CHCHD6: variants seen among roughly 807,000 people sequenced by gnomAD.
CHCHD6 encodes coiled-coil-helix-coiled-coil-helix domain containing 6.
In CHCHD6, 28 loss-of-function variants were observed where a neutral mutation model predicts 32.3. The ratio of observed to expected loss-of-function variants is 0.87; its 90% CI spans 0.64 to 1.19. CHCHD6 has a LOEUF of 1.19. Among genes scored for constraint, CHCHD6 ranks in the 50% most tolerant of loss-of-function variants. The probability of loss-of-function intolerance (pLI) is 0.00; values close to 1 mark genes in which losing one functional copy is unlikely to be tolerated. For synonymous variants in CHCHD6, 122 were observed against 117.5 expected (o/e 1.04, Z -0.25); for missense variants, 333 against 307.0 (o/e 1.08, Z -0.63).
intron 4 of CHCHD6, among the ~76,000 whole-genome samples, chr3:126,786,081 G>T (rs1019292743): frequency 6.6e-6 from 1 of 152,110 alleles, no homozygotes; most frequent in South Asian, 2.1e-4. Context: ...TGCGGTGTTT[G>T]GTTTTTTGTT....
At chr3:126,946,604 C>A (rs1038039345) in intron 6 of CHCHD6, among the ~76,000 whole-genome samples, 1 of 152,166 alleles carries the variant, frequency 6.6e-6, no homozygotes, top group African/African-American at 2.4e-5. Context: ...TCCCGTGTGG[C>A]GTGTTGATCG....
intron 5 of CHCHD6, among the ~76,000 whole-genome samples, chr3:126,856,082 G>A (rs1941656911): frequency 6.6e-6 from 1 of 152,118 alleles, no homozygotes; most frequent in Non-Finnish European, 1.5e-5. Flanking sequence ...ATTGTCTTGG[G>A]CCACACAAAA....
chr3:126,952,226 A>G (rs1349156157), intron 6 of CHCHD6, among the ~76,000 whole-genome samples: 2 of 152,156 alleles, frequency 1.3e-5, no homozygotes, highest in Admixed American at 6.5e-5. Flanking sequence ...TGTAGGCTAG[A>G]CTTGGGAGTG....
chr3:126,776,475 AC>A (rs1352770646), intron 4 of CHCHD6, among the ~76,000 whole-genome samples: 1 of 152,222 alleles, frequency 6.6e-6, no homozygotes, highest in Admixed American at 6.5e-5. Context: ...ACCACCTGTG[AC>A]CAGTCCTGCA....
intron 6 of CHCHD6, among the ~76,000 whole-genome samples, chr3:126,919,245 T>G (rs1215441219): frequency 6.6e-6 from 1 of 152,106 alleles, no homozygotes; most frequent in African/African-American, 2.4e-5. Context: ...GTATTTTTAA[T>G]GATTTACAGA....
At chr3:126,874,094 G>T (rs930272704) in intron 5 of CHCHD6, among the ~76,000 whole-genome samples, 1 of 152,194 alleles carries the variant, frequency 6.6e-6, no homozygotes, top group African/African-American at 2.4e-5. Flanking sequence ...CCTCCAGACA[G>T]TCTGCTTCCA....
rs372664568 is a variant in CHCHD6, at chr3:126,852,717, G to A, written c.482G>A (p.Arg161His). Residue 161 changes from arginine to histidine, a missense_variant, in exon 5 of 8, where the codon CGT (arginine) becomes CAT (histidine). Transcript: ENST00000290913. Reference protein sequence around the residue: ...RDTFYKEQLERIERKNAEMYK... With the variant: ...RDTFYKEQLEHIERKNAEMYK... ...ACCTTCTACAAGGAGCAGCTGGAGC[G>A]TATTGAGAGGAAGGTAAGACTCCTG... 1.7e-5 allele frequency: 27 copies of A among 1,612,058 alleles called. No individual in the cohort carries two copies. The highest frequency in any genetic ancestry group is 4.0e-5 in the African/African-American group (3 of 74,872).
At chr3:126,821,043 C>G (rs1940125711) in intron 4 of CHCHD6, among the ~76,000 whole-genome samples, 1 of 152,124 alleles carries the variant, frequency 6.6e-6, no homozygotes, top group Admixed American at 6.5e-5. Context: ...TTTGCCTATT[C>G]TGGACATTTC....
intron 5 of CHCHD6, among the ~76,000 whole-genome samples, chr3:126,866,271 C>T (rs921032666): frequency 6.6e-6 from 1 of 152,124 alleles, no homozygotes; most frequent in Non-Finnish European, 1.5e-5. Flanking sequence ...ATTGAGTGGT[C>T]CCACTTGCAA....
At chr3:126,901,231 TA>T (rs1420507360) in intron 5 of CHCHD6, among the ~76,000 whole-genome samples, 1 of 152,198 alleles carries the variant, frequency 6.6e-6, no homozygotes, top group Non-Finnish European at 1.5e-5. Context: ...CAGGGTGGTG[TA>T]GCCTACATGG....
intron 4 of CHCHD6, among the ~76,000 whole-genome samples, chr3:126,735,712 A>G (rs1036633584): frequency 1.3e-5 from 2 of 152,150 alleles, no homozygotes; most frequent in African/African-American, 4.8e-5. Context: ...CAGCCCCTTC[A>G]TGCTATGAGG....
At chr3:126,709,529 T>A (rs776712222) in intron 1 of CHCHD6, among the ~76,000 whole-genome samples, 5 of 152,268 alleles carry the variant, frequency 3.3e-5, no homozygotes, top group Admixed American at 6.5e-5. Flanking sequence ...TCATTCAGTT[T>A]ATGAATTTTG....
chr3:126,952,310 C>T (rs1217376720), intron 6 of CHCHD6, among the ~76,000 whole-genome samples: 1 of 152,080 alleles, frequency 6.6e-6, no homozygotes, highest in Non-Finnish European at 1.5e-5. Flanking sequence ...TTGGTGCTGC[C>T]GACCCAACTG....
At chr3:126,920,206 C>G (rs2078226770) in intron 6 of CHCHD6, among the ~76,000 whole-genome samples, 1 of 91,790 alleles carries the variant, frequency 1.1e-5, no homozygotes, top group Non-Finnish European at 2.4e-5. Flanking sequence ...GTTCTATTTG[C>G]TTTGCTTTTT....
intron 4 of CHCHD6, among the ~76,000 whole-genome samples, chr3:126,771,189 C>A (rs924196049): frequency 6.7e-5 from 10 of 149,456 alleles, no homozygotes; most frequent in Non-Finnish European, 1.2e-4. Flanking sequence ...TTTATTATTT[C>A]TTTTTTTCTT....
intron 5 of CHCHD6, among the ~76,000 whole-genome samples, chr3:126,888,303 G>C (rs1271881139): frequency 6.6e-6 from 1 of 152,230 alleles, no homozygotes; most frequent in African/African-American, 2.4e-5. Flanking sequence ...TGTGGTTTAA[G>C]CTGCTGTGAC....
At chr3:126,843,793 A>G (rs1941193628) in intron 4 of CHCHD6, among the ~76,000 whole-genome samples, 1 of 152,184 alleles carries the variant, frequency 6.6e-6, no homozygotes, top group Non-Finnish European at 1.5e-5. Context: ...CTGAGGTAGT[A>G]TTCACTTTTT....
chr3:126,930,021 A>G (rs2078380657), intron 6 of CHCHD6, among the ~76,000 whole-genome samples: 1 of 152,352 alleles, frequency 6.6e-6, no homozygotes, highest in Non-Finnish European at 1.5e-5. Flanking sequence ...CTCCTTGGAT[A>G]TCCAACCCAT....
chr3:126,826,160 G>C (rs192895527), intron 4 of CHCHD6, among the ~76,000 whole-genome samples: 1 of 152,348 alleles, frequency 6.6e-6, no homozygotes, highest in Admixed American at 6.5e-5. Flanking sequence ...AGATATTCCA[G>C]AAGAGGATTT....
Sources: gnomAD v4.1 joint callset for allele counts (sites outside exome capture counted in the v4.1 genomes callset) on GRCh38, gnomAD v4.1.1 for gene constraint, MANE v1.5 for transcripts, NCBI Gene and HGNC (gene_info 2026-07-23, HGNC 2026-07-21) for gene names.